The following AKAP19 variants were observed in gnomAD, a reference collection of about 807,000 sequenced individuals.
AKAP19 encodes A-kinase anchoring protein 19.
the AKAP19 span, among the ~76,000 whole-genome samples, chr2:190,083,718 C>T: frequency 6.6e-6 from 1 of 152,178 alleles, no homozygotes; most frequent in Non-Finnish European, 1.5e-5. Flanking sequence ...CAGCGACAGT[C>T]AGTCTAGAGT....
At chr2:190,040,004 G>C in the AKAP19 span, among the ~76,000 whole-genome samples, 1 of 152,168 alleles carries the variant, frequency 6.6e-6, no homozygotes. Context: ...GTATCTTTAT[G>C]GTAGAATGGT....
the AKAP19 span, among the ~76,000 whole-genome samples, chr2:190,185,063 G>C: frequency 6.6e-6 from 1 of 152,168 alleles, no homozygotes; most frequent in East Asian, 1.9e-4. Context: ...TAGTGAATTT[G>C]AACACTGTTC....
chr2:190,097,931 C>T, the AKAP19 span, among the ~76,000 whole-genome samples: 1 of 151,740 alleles, frequency 6.6e-6, no homozygotes, highest in Admixed American at 6.6e-5. Flanking sequence ...GCAGTAAGTC[C>T]TCATCTGTTC....
the AKAP19 span, among the ~76,000 whole-genome samples, chr2:190,010,840 TAATA>T: frequency 6.6e-6 from 1 of 152,172 alleles, no homozygotes; most frequent in Non-Finnish European, 1.5e-5. Flanking sequence ...TCAAGCTAGT[TAATA>T]TATCACCTCA....
At chr2:190,182,567 T>A in the AKAP19 span, among the ~76,000 whole-genome samples, 40 of 152,280 alleles carry the variant, frequency 2.6e-4, no homozygotes, top group East Asian at 7.7e-3. Context: ...AGTCAGTAAA[T>A]GTTAGTTATC....
chr2:189,921,870 G>C, the AKAP19 span, among the ~76,000 whole-genome samples: 2 of 152,150 alleles, frequency 1.3e-5, no homozygotes, highest in Non-Finnish European at 2.9e-5. Context: ...ATGAACACCT[G>C]GATATGCAAA....
At chr2:189,892,343 G>A in the AKAP19 span, among the ~76,000 whole-genome samples, 1 of 150,706 alleles carries the variant, frequency 6.6e-6, no homozygotes, top group Non-Finnish European at 1.5e-5. Context: ...CAGCCTTTTT[G>A]CACTGGGTTT....
chr2:190,181,232 T>C, the AKAP19 span: 2 of 836,330 alleles, frequency 2.4e-6, no homozygotes, highest in Non-Finnish European at 2.9e-6. Flanking sequence ...AGGCTTTAAT[T>C]AAACGAGACC....
the AKAP19 span, among the ~76,000 whole-genome samples, chr2:190,142,718 G>T: frequency 2.6e-5 from 4 of 152,334 alleles, no homozygotes; most frequent in South Asian, 8.3e-4. Context: ...GCTGGGGGAG[G>T]TCCCCAAATG....
At chr2:190,156,976 G>A in the AKAP19 span, among the ~76,000 whole-genome samples, 1 of 152,160 alleles carries the variant, frequency 6.6e-6, no homozygotes, top group Non-Finnish European at 1.5e-5. Flanking sequence ...TGGAAGACTG[G>A]AGACAGAGTG....
chr2:189,988,547 G>A, the AKAP19 span, among the ~76,000 whole-genome samples: 2 of 152,190 alleles, frequency 1.3e-5, no homozygotes, highest in East Asian at 1.9e-4. Context: ...CATATGAGAA[G>A]CCTCATATGG....
chr2:190,054,284 C>T, the AKAP19 span, among the ~76,000 whole-genome samples: 3 of 151,940 alleles, frequency 2.0e-5, no homozygotes, highest in Non-Finnish European at 4.4e-5. Flanking sequence ...ACTGGCTAGC[C>T]ATATGTAGAA....
At chr2:189,949,631 CTTTTTTTTTTTTT>C in the AKAP19 span, among the ~76,000 whole-genome samples, 1 of 117,776 alleles carries the variant, frequency 8.5e-6, no homozygotes, top group Non-Finnish European at 1.8e-5. Context: ...CTTTTTCTTT[CTTTTTTTTTTTTT>C]TTTTTTTTAG....
At chr2:189,894,021 G>A in the AKAP19 span, among the ~76,000 whole-genome samples, 5 of 152,082 alleles carry the variant, frequency 3.3e-5, no homozygotes, top group African/African-American at 1.2e-4. Flanking sequence ...ATTAGGAAAG[G>A]CCACATTATA....
the AKAP19 span, chr2:190,199,762 A>G: frequency 5.9e-6 from 9 of 1,535,084 alleles, no homozygotes; most frequent in Middle Eastern, 4.1e-4. Flanking sequence ...GGAGAGGGAA[A>G]GCACTGGTCA....
the AKAP19 span, among the ~76,000 whole-genome samples, chr2:190,078,992 A>G: frequency 1.4e-5 from 2 of 141,454 alleles, no homozygotes; most frequent in Non-Finnish European, 3.2e-5. Flanking sequence ...TCCATTTTAT[A>G]ACTATGAAAA....
At chr2:189,975,075 C>T in the AKAP19 span, among the ~76,000 whole-genome samples, 3 of 152,130 alleles carry the variant, frequency 2.0e-5, no homozygotes, top group Non-Finnish European at 4.4e-5. Context: ...CTTCCTAGCA[C>T]TGATGGTCTT....
At chr2:189,977,935 T>C in the AKAP19 span, among the ~76,000 whole-genome samples, 1 of 152,258 alleles carries the variant, frequency 6.6e-6, no homozygotes, top group Admixed American at 6.5e-5. Context: ...TCACTTTCAG[T>C]ACAATATTCA....
At chr2:189,936,851 A>G in the AKAP19 span, among the ~76,000 whole-genome samples, 1 of 152,208 alleles carries the variant, frequency 6.6e-6, no homozygotes, top group African/African-American at 2.4e-5. Context: ...TGGGCCACGC[A>G]CAATGCCTAA....
Sources: allele counts gnomAD v4.1 joint callset (sites outside exome capture counted in the v4.1 genomes callset), GRCh38; gene constraint gnomAD v4.1.1; transcripts MANE v1.5; gene names NCBI Gene and HGNC (gene_info 2026-07-23, HGNC 2026-07-21).